The following NUDT3 variants were observed in gnomAD, a reference collection of about 807,000 sequenced individuals.
NUDT3 encodes the protein nudix hydrolase 3.
NUDT3 carries 9 observed loss-of-function variants against 23.6 expected under a neutral mutation model. The observed-to-expected ratio is 0.38, with a 90% confidence interval of 0.23 to 0.66. NUDT3 has a LOEUF of 0.66. Ranked by LOEUF, NUDT3 falls within the 30% of genes least tolerant of loss-of-function variation. NUDT3 has a pLI of 0.52. For missense variants in NUDT3, 172 were observed against 218.5 expected (o/e 0.79, Z 1.34); for synonymous variants, 86 against 82.6 (o/e 1.04, Z -0.22).
chr6:34,369,802 G>C (rs529532649), intron 1 of NUDT3, among the ~76,000 whole-genome samples: 14 of 151,758 alleles, frequency 9.2e-5, no homozygotes, highest in African/African-American at 3.1e-4. Context: ...GTCTTCTCAG[G>C]AAACTTGGCA....
In NUDT3 at chr6:34,326,955, C is replaced by T. The variant is rs188469813; in HGVS notation, c.210+14907G>A. On this transcript the variant is annotated intron_variant, in intron 2 of 4. Coordinates refer to ENST00000607016, the MANE Select transcript of NUDT3 (RefSeq NM_006703.4). The stretch of plus-strand genomic sequence containing the variant: ...GTGTGGAGACGAGAGAGAGATCGTA[C>T]GAAATAAAGACACAGGACAAAGAGA... Among the ~76,000 whole-genome samples, 300 of 151,994 alleles carry T rather than the reference C, an allele frequency of 2.0e-3. 3 individuals are homozygous for T. The highest frequency in any genetic ancestry group is 6.9e-3 in the African/African-American group (284 of 41,454).
intron 1 of NUDT3, among the ~76,000 whole-genome samples, chr6:34,348,604 C>T (rs572275519): frequency 3.3e-4 from 50 of 151,908 alleles, no homozygotes; most frequent in East Asian, 2.5e-3. Context: ...AGTGAAACCC[C>T]GTCTCTACTA....
chr6:34,325,446 A>C (rs192549603), intron 2 of NUDT3, among the ~76,000 whole-genome samples: 5 of 152,178 alleles, frequency 3.3e-5, no homozygotes, highest in African/African-American at 1.2e-4. Flanking sequence ...CCTGGGCTCA[A>C]GTGATCCTCC....
chr6:34,305,965 T>C (rs975564393), intron 2 of NUDT3, among the ~76,000 whole-genome samples: 1 of 152,234 alleles, frequency 6.6e-6, no homozygotes, highest in African/African-American at 2.4e-5. Flanking sequence ...TATCCTTCCA[T>C]GCATGCTTGA....
intron 1 of NUDT3, among the ~76,000 whole-genome samples, 164 bp downstream of exon 1, chr6:34,392,100 T>C (rs1421599178): frequency 6.6e-6 from 1 of 152,048 alleles, no homozygotes; most frequent in Non-Finnish European, 1.5e-5. Context: ...CCCAACGTCC[T>C]TTCTCCTTCC....
chr6:34,313,035 C>T (rs1291135560), intron 2 of NUDT3, among the ~76,000 whole-genome samples: 1 of 151,926 alleles, frequency 6.6e-6, no homozygotes, highest in Non-Finnish European at 1.5e-5. Flanking sequence ...GGCATGGTGG[C>T]GCACGACTAC....
At chr6:34,322,252 A>T (rs1258917126) in intron 2 of NUDT3, among the ~76,000 whole-genome samples, 18 of 149,322 alleles carry the variant, frequency 1.2e-4, no homozygotes, top group Non-Finnish European at 1.5e-5. Context: ...TTTTTTTGAG[A>T]TGGAGTTTCG....
In NUDT3 at chr6:34,281,358, C is replaced by A. The variant is rs549606141; in HGVS notation, c.*7395G>T. ...GATGCTACTACTGGCCTTCCACTTCCTCTCTCTGATACACCTAAGAAGGTG... is the reference window on the plus strand; with the variant it reads ...GATGCTACTACTGGCCTTCCACTTCATCTCTCTGATACACCTAAGAAGGTG... On this transcript the variant is annotated 3_prime_UTR_variant, in exon 5 of 5. Coordinates refer to ENST00000607016, the MANE Select transcript of NUDT3 (RefSeq NM_006703.4). The A allele has an allele frequency of 6.6e-5, 10 of 152,196 alleles. No individual in the cohort carries two copies. Among genetic ancestry groups the A allele is most frequent in the Non-Finnish European group, 1.3e-4 (9 of 68,026 alleles). The allele number at this position is 152,196 out of a possible 1,614,324, so 9.4% of individuals were successfully genotyped here.
At position 34,285,620 on chromosome 6, in the gene NUDT3, C is replaced by G. The variant is rs1763325447; in HGVS notation, c.*3133G>C. 6.6e-6 allele frequency: 1 copy of G among 152,182 alleles called. No individual in the cohort carries two copies. The highest frequency in any genetic ancestry group is 6.5e-5 in the Admixed American group (1 of 15,276). The allele number at this position is 152,182 out of a possible 1,614,324, so 9.4% of individuals were successfully genotyped here. On this transcript the variant is annotated 3_prime_UTR_variant, in exon 5 of 5. Transcript: ENST00000607016. ...GACAAATCAATGTCAGTGAAATATT[C>G]TGCAAACAGGGTAGCTTTTGTGCTT...
chr6:34,290,227 TTTTC>T (rs1763397650), intron 4 of NUDT3, among the ~76,000 whole-genome samples: 4 of 151,730 alleles, frequency 2.6e-5, no homozygotes, highest in South Asian at 4.2e-4. Flanking sequence ...TTATTTTTTC[TTTTC>T]TTTTTCTTTC....
intron 4 of NUDT3, 73 bp downstream of exon 4, chr6:34,293,378 T>G: frequency 1.3e-6 from 2 of 1,577,404 alleles, no homozygotes; most frequent in Non-Finnish European, 1.7e-6. Flanking sequence ...TGTTTCTGGT[T>G]CTGGTCATGA....
At chr6:34,358,005 T>C (rs1561917393) in intron 1 of NUDT3, among the ~76,000 whole-genome samples, 1 of 152,182 alleles carries the variant, frequency 6.6e-6, no homozygotes, top group Non-Finnish European at 1.5e-5. Context: ...CCAACTATAC[T>C]TTTTTCCAGG....
intron 2 of NUDT3, among the ~76,000 whole-genome samples, chr6:34,310,292 G>A (rs2113708954): frequency 6.6e-6 from 1 of 152,168 alleles, no homozygotes; most frequent in African/African-American, 2.4e-5. Flanking sequence ...AACTTTGGGA[G>A]GCCGAGGCAG....
chr6:34,391,623 A>G (rs1326680766), intron 1 of NUDT3, among the ~76,000 whole-genome samples: 1 of 152,236 alleles, frequency 6.6e-6, no homozygotes, highest in Non-Finnish European at 1.5e-5. Flanking sequence ...CATTTTCAGC[A>G]CACAAAGATT....
chr6:34,308,891 G>A (rs1763725147), intron 2 of NUDT3, among the ~76,000 whole-genome samples: 1 of 152,098 alleles, frequency 6.6e-6, no homozygotes, highest in African/African-American at 2.4e-5. Flanking sequence ...AGATCTAGGT[G>A]GCAGAAAATC....
In NUDT3 at chr6:34,303,174, G is replaced by T. The variant is rs188102536; in HGVS notation, c.211-7489C>A. On this transcript the variant is annotated intron_variant, in intron 2 of 4. Coordinates refer to ENST00000607016, the MANE Select transcript of NUDT3 (RefSeq NM_006703.4). ...GGCCTCCTGAGTAACGCGGATCACA[G>T]ATGCGTGTCACCATACCTGGCAATT... Among the ~76,000 whole-genome samples the T allele has an allele frequency of 2.3e-3, 332 of 144,506 alleles. 1 individual carries two copies. The highest frequency in any genetic ancestry group is 8.5e-3 in the South Asian group (38 of 4,450). 94.8% of individuals were successfully genotyped at this position (144,506 alleles called of 152,430 possible). A position where few individuals can be genotyped will look rare whatever the true frequency, so the allele number is the denominator to read the frequency against.
intron 2 of NUDT3, among the ~76,000 whole-genome samples, chr6:34,310,920 G>A (rs1312648729): frequency 1.3e-5 from 2 of 150,218 alleles, no homozygotes; most frequent in Non-Finnish European, 2.9e-5. Flanking sequence ...TGCAGAAAAA[G>A]CATGTAACGA....
rs372435912 is a variant in NUDT3, at chr6:34,325,229, T to C, written c.210+16633A>G. 4.4e-4 allele frequency among the ~76,000 whole-genome samples: 55 copies of C among 124,526 alleles called. No individual in the cohort carries two copies. The South Asian group carries it at 0.013, about 30-fold the overall frequency. The allele number at this position is 124,526 out of a possible 152,430, so 81.7% of individuals were successfully genotyped here. A position where few individuals can be genotyped will look rare whatever the true frequency, so the allele number is the denominator to read the frequency against. On this transcript the variant is annotated intron_variant, in intron 2 of 4. Coordinates refer to ENST00000607016, the MANE Select transcript of NUDT3 (RefSeq NM_006703.4). ...CTGATTACTTTATATAATGAATTTT[T>C]TTTTCTTTTTTCTTTTTTAAAGAGA...
chr6:34,310,316 G>A (rs1159890762), intron 2 of NUDT3, among the ~76,000 whole-genome samples: 2 of 151,952 alleles, frequency 1.3e-5, no homozygotes, highest in Non-Finnish European at 2.9e-5. Flanking sequence ...GATCACTTGA[G>A]GTCATGAGTT....
Sources: allele counts gnomAD v4.1 joint callset (sites outside exome capture counted in the v4.1 genomes callset), GRCh38; gene constraint gnomAD v4.1.1; transcripts MANE v1.5; gene names NCBI Gene and HGNC (gene_info 2026-07-23, HGNC 2026-07-21).